Variants in CCDC141 observed in about 807,000 individuals in gnomAD.
CCDC141 encodes coiled-coil domain containing 141, also known as coiled-coil domain-containing protein 141.
In CCDC141, 168 loss-of-function variants were observed where a neutral mutation model predicts 181.0. The ratio of observed to expected loss-of-function variants is 0.93; its 90% CI spans 0.82 to 1.05. CCDC141 has a LOEUF of 1.05. Among genes scored for constraint, CCDC141 ranks in the 50% least tolerant of loss-of-function variants. The pLI, the probability that CCDC141 is intolerant of heterozygous loss-of-function variation, is 0.00. For synonymous variants in CCDC141, 666 were observed against 642.3 expected (o/e 1.04, Z -0.56); for missense variants, 1,902 against 1,788.5 (o/e 1.06, Z -1.14).
intron 4 of CCDC141, among the ~76,000 whole-genome samples, chr2:178,962,951 T>C (rs549951137): frequency 4.6e-5 from 7 of 152,210 alleles, no homozygotes; most frequent in Admixed American, 6.5e-5. Context: ...TCATGTCAAC[T>C]GTCACTTCCT....
At chr2:178,958,979 A>G (rs1325295562) in intron 5 of CCDC141, among the ~76,000 whole-genome samples, 3 of 151,720 alleles carry the variant, frequency 2.0e-5, no homozygotes, top group Non-Finnish European at 4.4e-5. Context: ...AAGCAAGAGG[A>G]GTTTTTAATG....
At chr2:179,017,181 G>A (rs375295800) in intron 2 of CCDC141, among the ~76,000 whole-genome samples, 1 of 151,872 alleles carries the variant, frequency 6.6e-6, no homozygotes, top group Non-Finnish European at 1.5e-5. Flanking sequence ...CTGGTGGCCT[G>A]TTTATCCAAT....
intron 2 of CCDC141, among the ~76,000 whole-genome samples, chr2:179,006,225 T>C (rs1376336626): frequency 3.3e-5 from 5 of 152,232 alleles, no homozygotes; most frequent in Non-Finnish European, 5.9e-5. Context: ...ATAATATTAC[T>C]TGAGATATCA....
At chr2:178,828,831 A>G (rs956093063), downstream of CCDC141, among the ~76,000 whole-genome samples, 10 of 152,114 alleles carry the variant, frequency 6.6e-5, no homozygotes, top group African/African-American at 2.4e-4. Flanking sequence ...TATTTCACTG[A>G]TTTTTTTATA....
chr2:178,891,326 A>G (rs571109332), intron 8 of CCDC141, among the ~76,000 whole-genome samples: 2 of 152,270 alleles, frequency 1.3e-5, no homozygotes, highest in South Asian at 4.1e-4. Context: ...CCCATTTCGC[A>G]GATAAGTAGA....
At chr2:178,880,761 G>T (rs989999523) in intron 11 of CCDC141, among the ~76,000 whole-genome samples, 1 of 152,106 alleles carries the variant, frequency 6.6e-6, no homozygotes, top group East Asian at 1.9e-4. Context: ...GGAATGAAAA[G>T]CACAGTACCT....
intron 2 of CCDC141, among the ~76,000 whole-genome samples, chr2:179,036,807 C>A (rs1217566869): frequency 6.6e-6 from 1 of 152,172 alleles, no homozygotes; most frequent in Admixed American, 6.5e-5. Flanking sequence ...GATGAGAACA[C>A]CATCCATTTC....
intron 2 of CCDC141, among the ~76,000 whole-genome samples, chr2:178,995,047 G>A (rs886710118): frequency 5.3e-5 from 8 of 152,132 alleles, no homozygotes; most frequent in South Asian, 2.1e-4. Context: ...TGTCTTCTGA[G>A]CCCTCCAAAC....
intron 7 of CCDC141, among the ~76,000 whole-genome samples, chr2:178,909,237 G>GATAT (rs1688115679): frequency 6.7e-6 from 1 of 148,202 alleles, no homozygotes; most frequent in East Asian, 1.9e-4. Context: ...ATATATCAAG[G>GATAT]ACAAAGATAG....
intron 17 of CCDC141, among the ~76,000 whole-genome samples, chr2:178,861,870 G>T (rs1055559386): frequency 1.3e-5 from 2 of 152,100 alleles, no homozygotes; most frequent in African/African-American, 4.8e-5. Context: ...ATGAATTCAG[G>T]TTATAAATCT....
chr2:179,034,928 T>G (rs2043100731), intron 2 of CCDC141, among the ~76,000 whole-genome samples: 1 of 152,214 alleles, frequency 6.6e-6, no homozygotes, highest in Admixed American at 6.5e-5. Flanking sequence ...CCACGTAAAT[T>G]GCAAATATTT....
At chr2:178,854,515 C>T (rs1685301327) in intron 19 of CCDC141, among the ~76,000 whole-genome samples, 2 of 152,124 alleles carry the variant, frequency 1.3e-5, no homozygotes, top group South Asian at 4.1e-4. Context: ...CAGAGCGACA[C>T]TCCATCTCAA....
chr2:178,865,913 A>AGT lies in CCDC141; in HGVS notation c.2576_2577dup (p.Cys860ThrfsTer22), dbSNP rs1185741594. ...AGGTTCTTTGCAGAAACATTAGAGC[A>AGT]GTGCTAAAAGAGACAAATGGTGGTA... On this transcript the variant is annotated frameshift_variant, in exon 17 of 24. Transcript: ENST00000443758. LOFTEE classifies it high-confidence loss of function. The AGT allele has an allele frequency of 6.5e-7, 1 of 1,535,484 alleles. No individual in the cohort carries two copies. The highest frequency in any genetic ancestry group is 8.8e-7 in the Non-Finnish European group (1 of 1,140,798).
intron 2 of CCDC141, among the ~76,000 whole-genome samples, chr2:178,979,337 G>A (rs1338495852): frequency 6.6e-6 from 1 of 151,980 alleles, no homozygotes; most frequent in South Asian, 2.1e-4. Flanking sequence ...GAGTACAGTA[G>A]ACTAAAATAG....
chr2:178,994,877 C>G (rs1692212969), intron 2 of CCDC141, among the ~76,000 whole-genome samples: 1 of 152,106 alleles, frequency 6.6e-6, no homozygotes, highest in Admixed American at 6.5e-5. Flanking sequence ...TCTCTTTGCT[C>G]AAACGTAACA....
At chr2:179,016,415 A>C (rs1575351738) in intron 2 of CCDC141, among the ~76,000 whole-genome samples, 6 of 152,266 alleles carry the variant, frequency 3.9e-5, no homozygotes, top group Admixed American at 3.9e-4. Context: ...TTTAGAGGCA[A>C]GATGAGAAAG....
intron 8 of CCDC141, among the ~76,000 whole-genome samples, chr2:178,902,077 T>C (rs547922923): frequency 8.3e-4 from 126 of 152,214 alleles, no homozygotes; most frequent in Non-Finnish European, 1.4e-3. Flanking sequence ...CAAGGAGAAC[T>C]ACAAACCACT....
At chr2:178,976,291 C>T (rs1233399196) in intron 3 of CCDC141, among the ~76,000 whole-genome samples, 1 of 152,104 alleles carries the variant, frequency 6.6e-6, no homozygotes, top group Non-Finnish European at 1.5e-5. Context: ...AAGTATCAGA[C>T]ATAGAAGCTT....
intron 2 of CCDC141, among the ~76,000 whole-genome samples, chr2:179,003,781 A>G (rs1337695123): frequency 6.6e-6 from 1 of 152,198 alleles, no homozygotes; most frequent in Non-Finnish European, 1.5e-5. Context: ...AAAGTTCAAA[A>G]CATAAGATAT....
Sources: gnomAD v4.1 joint callset for allele counts (sites outside exome capture counted in the v4.1 genomes callset) on GRCh38, gnomAD v4.1.1 for gene constraint, MANE v1.5 for transcripts, NCBI Gene and HGNC (gene_info 2026-07-23, HGNC 2026-07-21) for gene names.